Variants in CFAP20DC observed in about 807,000 individuals in gnomAD.
CFAP20DC encodes CFAP20 domain containing, also known as protein CFAP20DC.
In CFAP20DC, 84 loss-of-function variants were observed where a neutral mutation model predicts 101.7. The ratio of observed to expected loss-of-function variants is 0.83; its 90% CI spans 0.69 to 0.99. The LOEUF (loss-of-function observed/expected upper bound fraction) is 0.99. CFAP20DC is among the 50% of genes least tolerant of loss of function. The pLI is 0.00. For synonymous variants in CFAP20DC, 359 were observed against 351.2 expected (o/e 1.02, Z -0.25); for missense variants, 1,007 against 970.3 (o/e 1.04, Z -0.50).
At chr3:58,827,282 G>T (rs2076104084) in intron 14 of CFAP20DC, among the ~76,000 whole-genome samples, 1 of 152,014 alleles carries the variant, frequency 6.6e-6, no homozygotes, top group Admixed American at 6.6e-5. Context: ...AAATTAAAGA[G>T]CCATTTTCTA....
At chr3:58,807,705 C>A (rs1420208477) in intron 14 of CFAP20DC, among the ~76,000 whole-genome samples, 1 of 152,216 alleles carries the variant, frequency 6.6e-6, no homozygotes, top group Non-Finnish European at 1.5e-5. Context: ...CGGAACAAAG[C>A]TGGATGGAGA....
At position 58,964,708 on chromosome 3, in the gene CFAP20DC, C is replaced by T. The variant is rs973772975; in HGVS notation, c.279-26946G>A. Among the ~76,000 whole-genome samples, 1 of 152,190 alleles carries T rather than the reference C, an allele frequency of 6.6e-6. No individual in the cohort carries two copies. Among genetic ancestry groups the T allele is most frequent in the Non-Finnish European group, 1.5e-5 (1 of 68,034 alleles). On this transcript the variant is annotated intron_variant, in intron 4 of 16. Transcript: ENST00000482387. This position sits in a 1 kb window ranked among gnomAD's most constrained non-coding sequence, Gnocchi z 4.1. ...TTGTGTGTACATCAAATTGCACACA[C>T]ATTTTTGTATTATGCATTCATGACA...
intron 15 of CFAP20DC, among the ~76,000 whole-genome samples, chr3:58,770,210 C>A (rs1168770848): frequency 6.6e-6 from 1 of 152,212 alleles, no homozygotes; most frequent in Non-Finnish European, 1.5e-5. Flanking sequence ...AATACGTGAA[C>A]AGTAATATCC....
At chr3:58,752,234 A>C (rs1411202449) in intron 16 of CFAP20DC, among the ~76,000 whole-genome samples, 1 of 152,172 alleles carries the variant, frequency 6.6e-6, no homozygotes, top group Non-Finnish European at 1.5e-5. Flanking sequence ...GAGTAAATAG[A>C]AAATGCTTGT....
intron 4 of CFAP20DC, 94 bp from the exon 5 acceptor site, chr3:58,937,856 G>C (rs2087926516): frequency 1.4e-6 from 1 of 721,196 alleles, no homozygotes; most frequent in South Asian, 1.7e-5. Context: ...TTATCATACA[G>C]ACCCTTTTCA....
chr3:58,982,700 A>C (rs2092607281), intron 4 of CFAP20DC, among the ~76,000 whole-genome samples: 1 of 108,504 alleles, frequency 9.2e-6, no homozygotes, highest in South Asian at 3.3e-4. Flanking sequence ...CACTTCGGAG[A>C]CTGTTGTGGG....
Position 59,005,321 on chromosome 3 carries a change from C to T in CFAP20DC, c.278+34236G>A, listed in dbSNP as rs536805064. The stretch of plus-strand genomic sequence containing the variant: ...CACATGCACAGTTCAAGCCTATTTG[C>T]CTAGCCAGGCCTAGTAACTCCAACC... On this transcript the variant is annotated intron_variant, in intron 4 of 16. Coordinates refer to ENST00000482387, the MANE Select transcript of CFAP20DC (RefSeq NM_001394063.1). Among the ~76,000 whole-genome samples, 377 of 152,258 alleles carry T rather than the reference C, an allele frequency of 2.5e-3. 1 individual carries two copies. Among genetic ancestry groups the T allele is most frequent in the Non-Finnish European group, 4.7e-3 (322 of 68,018 alleles).
At chr3:58,932,841 G>A (rs1214619150) in intron 5 of CFAP20DC, among the ~76,000 whole-genome samples, 2 of 152,142 alleles carry the variant, frequency 1.3e-5, no homozygotes, top group South Asian at 2.1e-4. Context: ...AAAGACCATC[G>A]AGGCTAGGAA....
In CFAP20DC at chr3:58,890,753, C is replaced by T. The variant is rs1338005140; in HGVS notation, c.551-6044G>A. Reference sequence around the variant, plus strand: ...GCTCCTCACCTCCCAGACGGGGTTGCGGCCGGGCAGAGGCGCTCCTCACAT... The same window carrying T: ...GCTCCTCACCTCCCAGACGGGGTTGTGGCCGGGCAGAGGCGCTCCTCACAT... On this transcript the variant is annotated intron_variant, in intron 6 of 16. Transcript: ENST00000482387. Among the ~76,000 whole-genome samples the T allele has an allele frequency of 8.1e-5, 12 of 147,510 alleles. No homozygotes were observed. In the East Asian group the frequency reaches 8.4e-4, roughly 10 times the overall value.
At chr3:58,902,107 G>A (rs2083199998) in intron 6 of CFAP20DC, among the ~76,000 whole-genome samples, 1 of 152,112 alleles carries the variant, frequency 6.6e-6, no homozygotes, top group Non-Finnish European at 1.5e-5. Context: ...CCTTCTTATG[G>A]CTGAATGCCA....
At chr3:58,995,139 C>T (rs78601845) in intron 4 of CFAP20DC, among the ~76,000 whole-genome samples, 6 of 152,274 alleles carry the variant, frequency 3.9e-5, no homozygotes, top group Admixed American at 6.5e-5. Context: ...TTACCACCTT[C>T]GCTGTACATC....
intron 4 of CFAP20DC, among the ~76,000 whole-genome samples, chr3:58,979,740 T>G (rs2092442612): frequency 6.6e-6 from 1 of 152,200 alleles, no homozygotes; most frequent in South Asian, 2.1e-4. Flanking sequence ...CCTCATTTTC[T>G]GAACCATATT....
chr3:58,908,569 A>G (rs1416700967), intron 6 of CFAP20DC, among the ~76,000 whole-genome samples: 1 of 152,234 alleles, frequency 6.6e-6, no homozygotes, highest in African/African-American at 2.4e-5. Flanking sequence ...AATATGGTAC[A>G]GCCACTTTGG....
At chr3:59,034,207 A>C (rs1009319389) in intron 4 of CFAP20DC, among the ~76,000 whole-genome samples, 23 of 152,178 alleles carry the variant, frequency 1.5e-4, no homozygotes, top group African/African-American at 5.5e-4. Context: ...ACTAAATATG[A>C]AAAGGAAAAA....
chr3:58,995,560 AT>A (rs1553760498), intron 4 of CFAP20DC, among the ~76,000 whole-genome samples: 1 of 75,092 alleles, frequency 1.3e-5, no homozygotes, highest in Admixed American at 1.3e-4. Context: ...GTGAAGATCA[AT>A]TTTTTTTCAA....
intron 15 of CFAP20DC, among the ~76,000 whole-genome samples, chr3:58,784,257 T>A (rs943219697): frequency 5.3e-5 from 8 of 152,010 alleles, no homozygotes; most frequent in African/African-American, 1.9e-4. Context: ...AGGACATGAT[T>A]TCATTCTTTT....
At chr3:58,747,805 T>C (rs1467960991) in intron 16 of CFAP20DC, among the ~76,000 whole-genome samples, 1 of 152,058 alleles carries the variant, frequency 6.6e-6, no homozygotes, top group Non-Finnish European at 1.5e-5. Flanking sequence ...CACACTAAAG[T>C]CTGAGAAAGT....
chr3:59,012,890 G>A (rs948968922), intron 4 of CFAP20DC, among the ~76,000 whole-genome samples: 1 of 152,140 alleles, frequency 6.6e-6, no homozygotes, highest in Admixed American at 6.6e-5. Context: ...ATGTAATGTG[G>A]TTTATTAATA....
At chr3:58,733,493 T>C (rs116460234) in intron 3 of CFAP20DC, among the ~76,000 whole-genome samples, 1,600 of 152,292 alleles carry the variant, frequency 0.011, 32 homozygotes, top group African/African-American at 0.037. Flanking sequence ...TCCTACACCA[T>C]ACCATGAAGA....
Sources: allele counts gnomAD v4.1 joint callset (sites outside exome capture counted in the v4.1 genomes callset), GRCh38; gene constraint gnomAD v4.1.1; non-coding constraint Gnocchi (gnomAD v3.1); transcripts MANE v1.5; gene names NCBI Gene and HGNC (gene_info 2026-07-23, HGNC 2026-07-21).